The following OSBPL6 variants were observed in gnomAD, a reference collection of about 807,000 sequenced individuals.
The protein encoded by OSBPL6 is oxysterol-binding protein-related protein 6.
Under a neutral mutation model 125.8 loss-of-function variants are expected in OSBPL6, and 49 were observed. That is an observed-to-expected ratio of 0.39 (90% CI 0.31 to 0.49). The LOEUF (loss-of-function observed/expected upper bound fraction) is 0.49, where lower values mean the gene tolerates loss of function less well. Ranked by LOEUF, OSBPL6 falls within the 20% of genes least tolerant of loss-of-function variation. The pLI, the probability that OSBPL6 is intolerant of heterozygous loss-of-function variation, is 0.88. For synonymous variants in OSBPL6, 394 were observed against 391.8 expected (o/e 1.01, Z -0.07); for missense variants, 986 against 1,135.4 (o/e 0.87, Z 1.89).
chr2:178,235,453 C>G (rs2091019141), intron 1 of OSBPL6, among the ~76,000 whole-genome samples: 1 of 126,362 alleles, frequency 7.9e-6, no homozygotes, highest in Non-Finnish European at 1.6e-5. Flanking sequence ...GTCACCCAGG[C>G]TGGAGTGCGG....
At chr2:178,360,283 T>C (rs1355047600) in intron 12 of OSBPL6, among the ~76,000 whole-genome samples, 1 of 152,196 alleles carries the variant, frequency 6.6e-6, no homozygotes, top group East Asian at 1.9e-4. Flanking sequence ...AGATCTAATC[T>C]ACATTGTGAA....
At chr2:178,327,887 TC>T (rs1489508724) in intron 4 of OSBPL6, among the ~76,000 whole-genome samples, 1 of 152,200 alleles carries the variant, frequency 6.6e-6, no homozygotes, top group African/African-American at 2.4e-5. Context: ...TGAACATTTG[TC>T]ATCAAAGTAG....
chr2:178,298,706 G>GTTT (rs760113201), intron 2 of OSBPL6, among the ~76,000 whole-genome samples: 2 of 134,626 alleles, frequency 1.5e-5, no homozygotes, highest in African/African-American at 5.5e-5. Flanking sequence ...TTTTTTTTTT[G>GTTT]TTTTTTTTTT....
chr2:178,371,518 T>C (rs1693381501), intron 13 of OSBPL6, among the ~76,000 whole-genome samples: 2 of 152,216 alleles, frequency 1.3e-5, no homozygotes, highest in African/African-American at 2.4e-5. Context: ...TGGTTGTCAG[T>C]GTCTACACTG....
intron 8 of OSBPL6, 74 bp downstream of exon 8, chr2:178,333,115 G>A (rs563416919): frequency 9.2e-6 from 14 of 1,518,382 alleles, no homozygotes; most frequent in Non-Finnish European, 1.3e-5. Context: ...AGGCACTGTG[G>A]CTCACGTGTG....
intron 1 of OSBPL6, among the ~76,000 whole-genome samples, chr2:178,249,667 T>C (rs991615550): frequency 6.6e-6 from 1 of 152,176 alleles, no homozygotes; most frequent in African/African-American, 2.4e-5. Context: ...CATTTCTTGA[T>C]GCACTCAGTA....
intron 2 of OSBPL6, among the ~76,000 whole-genome samples, chr2:178,299,514 C>G (rs334617): frequency 0.016 from 2,180 of 140,122 alleles, 49 homozygotes; most frequent in African/African-American, 0.05. Context: ...TACTTTTTTT[C>G]TTTCTTTCCT....
chr2:178,356,653 G>A (rs1691820512), intron 12 of OSBPL6, among the ~76,000 whole-genome samples: 1 of 152,274 alleles, frequency 6.6e-6, no homozygotes, highest in South Asian at 2.1e-4. Flanking sequence ...TGTGAAAATG[G>A]CTATACTGCC....
chr2:178,347,301 TC>T (rs1690814440), intron 11 of OSBPL6, among the ~76,000 whole-genome samples: 1 of 152,120 alleles, frequency 6.6e-6, no homozygotes, highest in Non-Finnish European at 1.5e-5. Context: ...GCAGATAAAA[TC>T]CTTTTCCATG....
intron 2 of OSBPL6, among the ~76,000 whole-genome samples, chr2:178,289,972 C>A (rs1025282916): frequency 1.3e-5 from 2 of 152,192 alleles, no homozygotes; most frequent in Non-Finnish European, 1.5e-5. Context: ...GGTCTAGTTA[C>A]CCCACTTTTA....
At chr2:178,249,280 T>G (rs972420444) in intron 1 of OSBPL6, among the ~76,000 whole-genome samples, 2 of 152,236 alleles carry the variant, frequency 1.3e-5, no homozygotes, top group African/African-American at 4.8e-5. Context: ...TTTTACATGC[T>G]AGATTGTGGC....
At chr2:178,339,451 C>G (rs1297112308) in intron 10 of OSBPL6, among the ~76,000 whole-genome samples, 1 of 152,056 alleles carries the variant, frequency 6.6e-6, no homozygotes, top group Admixed American at 6.6e-5. Flanking sequence ...GATTTCTAAT[C>G]CTGTATTCAT....
intron 1 of OSBPL6, among the ~76,000 whole-genome samples, chr2:178,225,219 C>G (rs1406993317): frequency 6.6e-6 from 1 of 151,108 alleles, no homozygotes; most frequent in South Asian, 2.1e-4. Flanking sequence ...CCACAGAACC[C>G]TTGGTCAGGT....
intron 11 of OSBPL6, among the ~76,000 whole-genome samples, chr2:178,341,116 C>T (rs1690153065): frequency 6.6e-6 from 1 of 152,118 alleles, no homozygotes; most frequent in Admixed American, 6.5e-5. Context: ...AGAATCATTC[C>T]TCTAAATAAA....
At chr2:178,224,988 CTTCTCTCTCTCTCT>C (rs2090489256) in intron 1 of OSBPL6, among the ~76,000 whole-genome samples, 2 of 124,012 alleles carry the variant, frequency 1.6e-5, no homozygotes, top group Non-Finnish European at 3.3e-5. Flanking sequence ...TCTCTCTCTG[CTTCTCTCTCTCTCT>C]TTCTCTCTCT....
intron 1 of OSBPL6, among the ~76,000 whole-genome samples, chr2:178,251,130 A>G (rs1047583610): frequency 3.9e-5 from 6 of 152,110 alleles, no homozygotes; most frequent in African/African-American, 1.2e-4. Context: ...TTAGCCTAAC[A>G]AGGGAGTGTG....
At chr2:178,372,550 C>G (rs1013973383) in intron 14 of OSBPL6, among the ~76,000 whole-genome samples, 3 of 143,020 alleles carry the variant, frequency 2.1e-5, no homozygotes, top group Non-Finnish European at 4.5e-5. Context: ...TCATTAGCAT[C>G]AAATGGCCGG....
intron 24 of OSBPL6, 86 bp downstream of exon 24, chr2:178,394,521 A>G (rs1695682793): frequency 7.0e-7 from 1 of 1,434,862 alleles, no homozygotes; most frequent in African/African-American, 1.4e-5. Context: ...TGAAAATAAA[A>G]TGGGTAAATG....
intron 6 of OSBPL6, 86 bp downstream of exon 6, chr2:178,331,691 C>T: frequency 7.2e-7 from 1 of 1,380,544 alleles, no homozygotes; most frequent in Non-Finnish European, 1.0e-6. Context: ...AAGCCTTGTG[C>T]CATAGTTACC....
Sources: gnomAD v4.1 joint callset for allele counts (sites outside exome capture counted in the v4.1 genomes callset) on GRCh38, gnomAD v4.1.1 for gene constraint, MANE v1.5 for transcripts, NCBI Gene and HGNC (gene_info 2026-07-23, HGNC 2026-07-21) for gene names.